ITGAV: variants seen among roughly 807,000 people sequenced by gnomAD.
The protein encoded by ITGAV is integrin subunit alpha V.
Under a neutral mutation model 143.8 loss-of-function variants are expected in ITGAV, and 76 were observed. The observed-to-expected ratio is 0.53, with a 90% confidence interval of 0.44 to 0.64. The LOEUF is 0.64. Ranked by LOEUF, ITGAV falls within the 30% of genes least tolerant of loss-of-function variation. The pLI, the probability that ITGAV is intolerant of heterozygous loss-of-function variation, is 0.00. For missense variants in ITGAV, 1,193 were observed against 1,274.7 expected (o/e 0.94, Z 0.98); for synonymous variants, 453 against 446.7 (o/e 1.01, Z -0.18).
At chr2:186,638,608 A>T (rs1330051204) in intron 10 of ITGAV, 143 bp downstream of exon 10, 21 of 649,274 alleles carry the variant, frequency 3.2e-5, no homozygotes, top group Non-Finnish European at 5.1e-5. Context: ...TTTTGGTCAA[A>T]CTATTATCAT....
At chr2:186,643,649 G>T (rs776769896) in intron 12 of ITGAV, among the ~76,000 whole-genome samples, 3 of 152,054 alleles carry the variant, frequency 2.0e-5, no homozygotes, top group Non-Finnish European at 4.4e-5. Context: ...ATAAAGTTAT[G>T]TTCCAAAATT....
chr2:186,669,869 G>A, intron 26 of ITGAV, 55 bp downstream of exon 26: 1 of 1,147,930 alleles, frequency 8.7e-7, no homozygotes, highest in Non-Finnish European at 1.3e-6. Flanking sequence ...TGTGACTATA[G>A]AACTGACGCC....
intron 2 of ITGAV, among the ~76,000 whole-genome samples, chr2:186,606,769 G>A (rs1687077279): frequency 1.3e-5 from 2 of 151,798 alleles, no homozygotes; most frequent in South Asian, 2.1e-4. Flanking sequence ...TTCATCACTT[G>A]TCATGCTTCA....
At chr2:186,659,214 A>ATT in intron 18 of ITGAV, 39 bp downstream of exon 18, 2 of 1,344,274 alleles carry the variant, frequency 1.5e-6, no homozygotes, top group South Asian at 2.1e-5. Context: ...ATATTTTGTT[A>ATT]TTTTTTTTTA....
chr2:186,612,827 G>GTTTT (rs1241363413), intron 2 of ITGAV, among the ~76,000 whole-genome samples: 18 of 151,962 alleles, frequency 1.2e-4, no homozygotes, highest in Non-Finnish European at 2.2e-4. Context: ...AAACTAAAAA[G>GTTTT]TTAAAAAGAA....
chr2:186,625,231 C>T (rs1253767432), intron 3 of ITGAV, among the ~76,000 whole-genome samples: 1 of 151,908 alleles, frequency 6.6e-6, no homozygotes, highest in Non-Finnish European at 1.5e-5. Flanking sequence ...TAAAAATTAG[C>T]CAGGCATGGT....
In ITGAV at chr2:186,590,069, A is replaced by G. The variant is rs1370901120; in HGVS notation, c.-270A>G. On this transcript the variant is annotated 5_prime_UTR_variant, in exon 1 of 30. Coordinates refer to ENST00000261023, the MANE Select transcript of ITGAV (RefSeq NM_002210.5). ...GCTCACCCCGGCAGTCCCCAGCCTCAGACGCTGCGTGGAGCGGCGGAGCCG... is the reference window on the plus strand; with the variant it reads ...GCTCACCCCGGCAGTCCCCAGCCTCGGACGCTGCGTGGAGCGGCGGAGCCG... 5.4e-6 allele frequency: 2 copies of G among 372,928 alleles called. No individual in the cohort carries two copies. The highest frequency in any genetic ancestry group is 9.1e-5 in the South Asian group (1 of 11,048). The allele number at this position is 372,928 out of a possible 1,614,324, so 23.1% of individuals were successfully genotyped here.
At chr2:186,607,176 G>A (rs1170787011) in intron 2 of ITGAV, among the ~76,000 whole-genome samples, 1 of 151,936 alleles carries the variant, frequency 6.6e-6, no homozygotes, top group Admixed American at 6.6e-5. Flanking sequence ...AAATTGGTTA[G>A]TTTATTTACT....
At chr2:186,668,739 T>C in intron 24 of ITGAV, 23 bp from the exon 25 acceptor site, 1 of 1,609,178 alleles carries the variant, frequency 6.2e-7, no homozygotes, top group Non-Finnish European at 8.5e-7. Flanking sequence ...AAGGTGTAGA[T>C]ACATTTTCTT....
At chr2:186,656,865 T>C (rs1209849985) in intron 17 of ITGAV, among the ~76,000 whole-genome samples, 1 of 152,140 alleles carries the variant, frequency 6.6e-6, no homozygotes, top group East Asian at 1.9e-4. Context: ...CTAAGTGTTC[T>C]TACGACAGAG....
At chr2:186,669,471 C>G (rs1290665491) in intron 25 of ITGAV, among the ~76,000 whole-genome samples, 1 of 152,170 alleles carries the variant, frequency 6.6e-6, no homozygotes, top group Non-Finnish European at 1.5e-5. Flanking sequence ...TCTAGCTAAG[C>G]AAGGGCTGAA....
intron 17 of ITGAV, among the ~76,000 whole-genome samples, chr2:186,656,700 AT>A (rs1453578180): frequency 4.6e-5 from 7 of 152,288 alleles, no homozygotes; most frequent in African/African-American, 1.7e-4. Context: ...CAAAAAAAAA[AT>A]GAGCAATCAA....
intron 1 of ITGAV, among the ~76,000 whole-genome samples, chr2:186,600,050 T>A (rs1686854892): frequency 6.6e-6 from 1 of 152,222 alleles, no homozygotes; most frequent in Non-Finnish European, 1.5e-5. Flanking sequence ...GATGATTTCA[T>A]TCTTCTTAAA....
At chr2:186,612,289 G>A (rs1687237347) in intron 2 of ITGAV, among the ~76,000 whole-genome samples, 1 of 151,674 alleles carries the variant, frequency 6.6e-6, no homozygotes, top group Admixed American at 6.6e-5. Flanking sequence ...GACTGCTAAT[G>A]TACATTGAGA....
intron 1 of ITGAV, among the ~76,000 whole-genome samples, chr2:186,598,594 C>T (rs1401016282): frequency 3.3e-5 from 5 of 151,904 alleles, no homozygotes; most frequent in African/African-American, 1.2e-4. Context: ...CATGCCACCA[C>T]GCCTGGCTAA....
chr2:186,672,626 CTGGT>C (rs1434264982), intron 26 of ITGAV, among the ~76,000 whole-genome samples: 4 of 152,104 alleles, frequency 2.6e-5, no homozygotes, highest in African/African-American at 4.8e-5. Context: ...TATAATCATC[CTGGT>C]TGGTGTGAAG....
chr2:186,676,860 G>A lies in ITGAV; in HGVS notation c.2976G>A (p.Val992=). 1 of 1,614,118 alleles carries A rather than the reference G, an allele frequency of 6.2e-7. No homozygotes were observed. The highest frequency in any genetic ancestry group is 8.5e-7 in the Non-Finnish European group (1 of 1,179,990). The part of the protein sequence containing the change: ...TWGIQPAPMP[V]PVWVIILAVL... ...GCATTCAGCCAGCGCCCATGCCTGT[G>A]CCTGTGTGGGTGATCATTTTAGCAG... The change falls in exon 29 of 30, where the codon GTG becomes GTA. Residue 992 remains valine, a synonymous_variant. Transcript: ENST00000261023.
At chr2:186,618,349 C>T (rs568110467) in intron 2 of ITGAV, among the ~76,000 whole-genome samples, 35 of 152,284 alleles carry the variant, frequency 2.3e-4, no homozygotes, top group South Asian at 6.2e-4. Flanking sequence ...TGCCAATATA[C>T]GCCAATGCAT....
At chr2:186,591,469 A>C (rs1039887506) in intron 1 of ITGAV, among the ~76,000 whole-genome samples, 3 of 152,138 alleles carry the variant, frequency 2.0e-5, no homozygotes, top group Non-Finnish European at 4.4e-5. Flanking sequence ...TTTTCAAGAG[A>C]GAAACTGTTC....
Sources: allele counts gnomAD v4.1 joint callset (sites outside exome capture counted in the v4.1 genomes callset), GRCh38; gene constraint gnomAD v4.1.1; transcripts MANE v1.5; gene names NCBI Gene and HGNC (gene_info 2026-07-23, HGNC 2026-07-21).